Variants in ALK observed in about 807,000 individuals in gnomAD.
The protein encoded by ALK is ALK receptor tyrosine kinase, also known as ALK tyrosine kinase receptor.
ALK carries 74 observed loss-of-function variants against 163.1 expected under a neutral mutation model. The observed-to-expected ratio is 0.45, with a 90% confidence interval of 0.38 to 0.55. The LOEUF is 0.55. Among genes scored for constraint, ALK ranks in the 20% least tolerant of loss-of-function variants. The pLI, the probability that ALK is intolerant of heterozygous loss-of-function variation, is 0.00. For synonymous variants in ALK, 960 were observed against 843.2 expected, an observed-to-expected ratio of 1.14 and a Z score of -2.40; for missense variants, 2,063 against 2,105.3, an observed-to-expected ratio of 0.98 and a Z score of 0.39.
intron 8 of ALK, among the ~76,000 whole-genome samples, chr2:29,299,083 C>T (rs552175248): frequency 6.6e-6 from 1 of 152,302 alleles, no homozygotes; most frequent in South Asian, 2.1e-4. Flanking sequence ...TTACTTGTTG[C>T]TCATTCTCTC....
intron 6 of ALK, among the ~76,000 whole-genome samples, chr2:29,323,768 G>A (rs1481470353): frequency 6.6e-6 from 1 of 152,228 alleles, no homozygotes. Flanking sequence ...CAAAAGGTTG[G>A]CCTGCAGGAT....
At chr2:29,468,380 G>C (rs1297457642) in intron 4 of ALK, among the ~76,000 whole-genome samples, 2 of 152,198 alleles carry the variant, frequency 1.3e-5, no homozygotes. Context: ...GAGAACTGCT[G>C]ACCTAGACCA....
intron 4 of ALK, among the ~76,000 whole-genome samples, chr2:29,386,415 GAGA>G (rs1476724502): frequency 6.6e-6 from 1 of 152,214 alleles, no homozygotes; most frequent in African/African-American, 2.4e-5. Flanking sequence ...AGCAATATTT[GAGA>G]AGAACATGTA....
intron 1 of ALK, among the ~76,000 whole-genome samples, chr2:29,741,726 A>C (rs981789735): frequency 6.6e-5 from 10 of 152,150 alleles, no homozygotes; most frequent in Non-Finnish European, 1.2e-4. Flanking sequence ...TGGTTCTTCC[A>C]AGACAAAAGC....
chr2:29,244,120 T>C (rs1023382060), intron 12 of ALK, among the ~76,000 whole-genome samples: 1 of 152,228 alleles, frequency 6.6e-6, no homozygotes, highest in Non-Finnish European at 1.5e-5. Flanking sequence ...CGGGGGGATC[T>C]TGCGGGAGAG....
chr2:29,267,702 C>T (rs574694166), intron 11 of ALK, among the ~76,000 whole-genome samples: 3 of 152,314 alleles, frequency 2.0e-5, no homozygotes, highest in African/African-American at 7.2e-5. Flanking sequence ...CTCCTAGATT[C>T]ACTGTCCACC....
intron 3 of ALK, among the ~76,000 whole-genome samples, chr2:29,535,454 G>T (rs1423245558): frequency 1.3e-5 from 2 of 152,182 alleles, no homozygotes; most frequent in Non-Finnish European, 2.9e-5. Context: ...TTCAGTTATT[G>T]ACCTTAGACA....
intron 3 of ALK, among the ~76,000 whole-genome samples, chr2:29,661,357 G>C (rs931123032): frequency 1.3e-5 from 2 of 152,084 alleles, no homozygotes; most frequent in African/African-American, 4.8e-5. Flanking sequence ...AGATGAGAGA[G>C]GCATTGCCAT....
At chr2:29,394,544 A>G (rs886187184) in intron 4 of ALK, among the ~76,000 whole-genome samples, 7 of 152,044 alleles carry the variant, frequency 4.6e-5, no homozygotes, top group African/African-American at 1.7e-4. Context: ...GAGGGGAGAG[A>G]GTGTGGATGG....
intron 4 of ALK, among the ~76,000 whole-genome samples, chr2:29,508,733 C>CAAAAAA (rs60719550): frequency 9.0e-4 from 59 of 65,492 alleles, no homozygotes; most frequent in East Asian, 2.1e-3. Flanking sequence ...ATCTGCAACT[C>CAAAAAA]AAAAAAAAAA....
At chr2:29,540,688 T>G (rs960849907) in intron 3 of ALK, among the ~76,000 whole-genome samples, 28 of 152,016 alleles carry the variant, frequency 1.8e-4, no homozygotes, top group African/African-American at 6.5e-4. Flanking sequence ...TTTCTCACAA[T>G]GTAGACTGAA....
chr2:29,668,094 C>G (rs1677572214), intron 3 of ALK, among the ~76,000 whole-genome samples: 1 of 152,034 alleles, frequency 6.6e-6, no homozygotes, highest in South Asian at 2.1e-4. Context: ...ATAATAGTCT[C>G]TAATAATTCT....
At chr2:29,792,437 G>A (rs1664211067) in intron 1 of ALK, among the ~76,000 whole-genome samples, 1 of 152,218 alleles carries the variant, frequency 6.6e-6, no homozygotes, top group South Asian at 2.1e-4. Context: ...AAACTCATTT[G>A]AACCCTCAAT....
intron 1 of ALK, among the ~76,000 whole-genome samples, chr2:29,763,992 TG>T (rs1335244417): frequency 1.3e-5 from 2 of 151,962 alleles, no homozygotes; most frequent in African/African-American, 4.8e-5. Context: ...CCTGGGGAGG[TG>T]GAGATCACTA....
intron 8 of ALK, among the ~76,000 whole-genome samples, chr2:29,301,253 T>C (rs1490141254): frequency 6.6e-6 from 1 of 152,204 alleles, no homozygotes; most frequent in Non-Finnish European, 1.5e-5. Context: ...ATCTCTTTCC[T>C]TTTCAGGAGG....
At chr2:29,369,832 C>T (rs17007974) in intron 5 of ALK, among the ~76,000 whole-genome samples, 11 of 152,090 alleles carry the variant, frequency 7.2e-5, no homozygotes, top group South Asian at 6.2e-4. Flanking sequence ...TATGATCACA[C>T]GGAATAAATA....
chr2:29,771,261 C>T (rs1394560215), intron 1 of ALK, among the ~76,000 whole-genome samples: 1 of 151,978 alleles, frequency 6.6e-6, no homozygotes, highest in Non-Finnish European at 1.5e-5. Flanking sequence ...GTCCCTAAAC[C>T]AAAAGACTTG....
intron 1 of ALK, among the ~76,000 whole-genome samples, chr2:29,870,656 C>T (rs1235823290): frequency 2.0e-5 from 3 of 152,046 alleles, no homozygotes; most frequent in Admixed American, 6.6e-5. Context: ...TGATGTGGAA[C>T]ATGTAATACA....
chr2:29,833,808 T>C (rs1572420086), intron 1 of ALK, among the ~76,000 whole-genome samples: 1 of 152,212 alleles, frequency 6.6e-6, no homozygotes, highest in East Asian at 1.9e-4. Flanking sequence ...ATGCAGCATC[T>C]CCTTTCTTGA....
Sources: allele counts gnomAD v4.1 joint callset (sites outside exome capture counted in the v4.1 genomes callset), GRCh38; gene constraint gnomAD v4.1.1; transcripts MANE v1.5; gene names NCBI Gene and HGNC (gene_info 2026-07-23, HGNC 2026-07-21).